The following CLTCL1 variants were observed in gnomAD, a reference collection of about 807,000 sequenced individuals.
The protein encoded by CLTCL1 is clathrin heavy chain 2.
CLTCL1 carries 159 observed loss-of-function variants against 190.0 expected under a neutral mutation model. That is an observed-to-expected ratio of 0.84 (90% confidence interval 0.74 to 0.95). CLTCL1 has a LOEUF of 0.95. Ranked by LOEUF, CLTCL1 falls within the 40% of genes least tolerant of loss-of-function variation. CLTCL1 has a pLI of 0.00. For missense variants in CLTCL1, 1,878 were observed against 2,033.4 expected (o/e 0.92, Z 1.47); for synonymous variants, 752 against 769.6 (o/e 0.98, Z 0.38).
At chr22:19,187,470 G>T in intron 29 of CLTCL1, 88 bp downstream of exon 29, 1 of 1,393,400 alleles carries the variant, frequency 7.2e-7, no homozygotes, top group Non-Finnish European at 9.8e-7. Flanking sequence ...CAGGTCTCAG[G>T]AACAAGAGGG....
rs922648114 is a variant in CLTCL1, at chr22:19,216,600, C to T, written c.2920-344G>A. ...GGCTCCACTTCTCTAATGAAGACACCGCAGGGGCTTCCAGCAGCCTCTTAC... is the reference window on the plus strand; with the variant it reads ...GGCTCCACTTCTCTAATGAAGACACTGCAGGGGCTTCCAGCAGCCTCTTAC... On this transcript the variant is annotated intron_variant, in intron 18 of 32. Transcript: ENST00000427926. Among the ~76,000 whole-genome samples the T allele has an allele frequency of 2.7e-3, 407 of 152,284 alleles. 1 individual carries two copies. Among genetic ancestry groups the T allele is most frequent in the Non-Finnish European group, 3.4e-3 (234 of 68,014 alleles).
At chr22:19,217,804 C>A (rs1168418349) in intron 18 of CLTCL1, among the ~76,000 whole-genome samples, 1 of 148,440 alleles carries the variant, frequency 6.7e-6, no homozygotes, top group African/African-American at 2.5e-5. Flanking sequence ...GCCGAGATCA[C>A]GCCATTGCAC....
chr22:19,189,692 T>A (rs1431019475), intron 27 of CLTCL1, among the ~76,000 whole-genome samples: 1 of 152,154 alleles, frequency 6.6e-6, no homozygotes, highest in African/African-American at 2.4e-5. Context: ...TCCATGAGGG[T>A]TGGAATCCAC....
rs1424531173 is a variant in CLTCL1 at position 19,277,153 on chromosome 22, G to C, written c.43-1323C>G. On this transcript the variant is annotated intron_variant, in intron 1 of 32. Coordinates refer to ENST00000427926, the MANE Select transcript of CLTCL1 (RefSeq NM_007098.4). ...GAACACAAGTGAGACTGTTCATACT[G>C]AGAGTATAATTCAGGACGGTGCCTT... Among the ~76,000 whole-genome samples the C allele has an allele frequency of 5.3e-5, 8 of 152,266 alleles. No homozygotes were observed. The East Asian group carries it at 1.5e-3, about 29-fold the overall frequency.
At chr22:19,279,260 C>T (rs1024751836) in intron 1 of CLTCL1, among the ~76,000 whole-genome samples, 5 of 151,948 alleles carry the variant, frequency 3.3e-5, no homozygotes, top group South Asian at 2.1e-4. Flanking sequence ...CTCACCCTCC[C>T]GAGTAGCTGG....
intron 2 of CLTCL1, among the ~76,000 whole-genome samples, chr22:19,263,710 C>A (rs1555976674): frequency 6.6e-6 from 1 of 152,214 alleles, no homozygotes; most frequent in Non-Finnish European, 1.5e-5. Flanking sequence ...TGAGCCACTG[C>A]ACCCAGCCAA....
intron 18 of CLTCL1, among the ~76,000 whole-genome samples, chr22:19,218,142 G>A (rs138668730): frequency 2.6e-5 from 4 of 152,274 alleles, no homozygotes; most frequent in African/African-American, 9.6e-5. Context: ...CAGAGATAAT[G>A]AAAGACCAGC....
At chr22:19,191,254 G>C in intron 27 of CLTCL1, 50 bp downstream of exon 27, 1 of 1,606,304 alleles carries the variant, frequency 6.2e-7, no homozygotes, top group Non-Finnish European at 8.5e-7. Context: ...AGATGACTTT[G>C]TTAGAGCTAG....
chr22:19,253,993 T>C lies in CLTCL1; in HGVS notation c.485A>G (p.Gln162Arg), dbSNP rs1555971297. The C allele has an allele frequency of 1.2e-6, 2 of 1,613,426 alleles. No individual in the cohort carries two copies. Among genetic ancestry groups the C allele is most frequent in the East Asian group, 4.5e-5 (2 of 44,872 alleles). Residue 162 changes from glutamine to arginine, a missense_variant, in exon 3 of 33, where the codon CAG (glutamine) becomes CGG (arginine). Coordinates refer to ENST00000427926, the MANE Select transcript of CLTCL1 (RefSeq NM_007098.4). ...QVIHYRTDEY[Q>R]KWLLLVGISA... is the part of the protein sequence containing the mutation. ...GATGCCTACGAGCAGCAGCCACTTC[T>C]GGTACTCATCAGTCCGGTAGTGAAT...
At chr22:19,180,133 G>GT in intron 32 of CLTCL1, 66 bp downstream of exon 32, 1 of 1,412,652 alleles carries the variant, frequency 7.1e-7, no homozygotes. Flanking sequence ...GAGGCAAGGA[G>GT]CGTGGGGTCA....
At chr22:19,240,743 G>A (rs2086227515) in intron 4 of CLTCL1, among the ~76,000 whole-genome samples, 1 of 152,186 alleles carries the variant, frequency 6.6e-6, no homozygotes, top group African/African-American at 2.4e-5. Context: ...GTCAGATGTG[G>A]GACTTGTTAA....
intron 3 of CLTCL1, among the ~76,000 whole-genome samples, chr22:19,249,222 G>T (rs1555969021): frequency 6.6e-6 from 1 of 152,090 alleles, no homozygotes; most frequent in East Asian, 1.9e-4. Flanking sequence ...AGCAGTGCGT[G>T]GTGGCACGTG....
At position 19,252,947 on chromosome 22, in the gene CLTCL1, G is replaced by C. The variant is rs146194166; in HGVS notation, c.519+1012C>G. ...GAGAATGGCATGAACCCAGGAGGCA[G>C]AGCTTGCAGTGAGCCGAGATCGCGC... On this transcript the variant is annotated intron_variant, in intron 3 of 32. Transcript: ENST00000427926. Among the ~76,000 whole-genome samples, 1,405 of 149,404 alleles carry C rather than the reference G, an allele frequency of 9.4e-3. 33 individuals are homozygous for C. Among genetic ancestry groups the C allele is most frequent in the East Asian group, 0.067 (336 of 4,992 alleles).
Position 19,210,467 on chromosome 22 carries a change from G to T in CLTCL1, c.3108C>A (p.Asp1036Glu). ...TGATGTACTCCATGACCCGTGTGCG[G>T]TCTGCCTTGATGGCAGTCAGGATCA... ...NLLILTAIKA[D>E]RTRVMEYISR... The change falls in exon 20 of 33, where the codon GAC (aspartate) becomes GAA (glutamate). Residue 1036 changes from aspartate to glutamate, a missense_variant. Transcript: ENST00000427926. 1 of 1,613,958 alleles carries T rather than the reference G, an allele frequency of 6.2e-7. No homozygotes were observed. Among genetic ancestry groups the T allele is most frequent in the Non-Finnish European group, 8.5e-7 (1 of 1,179,880 alleles).
chr22:19,200,703 G>A (rs187012284), intron 23 of CLTCL1, among the ~76,000 whole-genome samples: 12 of 152,256 alleles, frequency 7.9e-5, no homozygotes, highest in Admixed American at 2.0e-4. Context: ...TTAGCCGGGC[G>A]TGGTGGCGGG....
chr22:19,190,254 G>A (rs1417234671), intron 27 of CLTCL1, among the ~76,000 whole-genome samples: 6 of 152,108 alleles, frequency 3.9e-5, no homozygotes, highest in African/African-American at 1.2e-4. Context: ...CACCATTCCC[G>A]GCCATTAATT....
intron 2 of CLTCL1, 27 bp downstream of exon 2, chr22:19,275,596 C>T (rs1555982763): frequency 6.4e-7 from 1 of 1,563,890 alleles, no homozygotes; most frequent in African/African-American, 1.3e-5. Flanking sequence ...AGGTAAGATT[C>T]CTTTCTAACA....
intron 2 of CLTCL1, among the ~76,000 whole-genome samples, chr22:19,269,947 T>TAAA (rs35826599): frequency 5.1e-5 from 7 of 138,268 alleles, no homozygotes; most frequent in African/African-American, 1.3e-4. Flanking sequence ...AAAGTAAAAT[T>TAAA]AAAAAAAAAA....
At chr22:19,242,290 A>AT (rs139918942) in intron 4 of CLTCL1, among the ~76,000 whole-genome samples, 1,434 of 139,480 alleles carry the variant, frequency 0.01, 31 homozygotes, top group East Asian at 0.071. Context: ...GTGTGGAAGG[A>AT]TTTTTTTTTT....
Sources: gnomAD v4.1 joint callset for allele counts (sites outside exome capture counted in the v4.1 genomes callset) on GRCh38, gnomAD v4.1.1 for gene constraint, MANE v1.5 for transcripts, NCBI Gene and HGNC (gene_info 2026-07-23, HGNC 2026-07-21) for gene names.